The following RABGAP1L variants were observed in gnomAD, a reference collection of about 807,000 sequenced individuals.
RABGAP1L encodes the protein RAB GTPase activating protein 1 like, also known as rab GTPase-activating protein 1-like.
Under a neutral mutation model 137.7 loss-of-function variants are expected in RABGAP1L, and 63 were observed. The ratio of observed to expected loss-of-function variants is 0.46; its 90% confidence interval spans 0.37 to 0.56. The LOEUF is 0.56. RABGAP1L is among the 20% of genes least tolerant of loss of function. RABGAP1L has a pLI of 0.00. For missense variants in RABGAP1L, 1,095 were observed against 1,244.0 expected (o/e 0.88, Z 1.80); for synonymous variants, 431 against 433.7 (o/e 0.99, Z 0.08).
chr1:174,752,250 G>A, intron 17 of RABGAP1L, 63 bp from the exon 18 acceptor site: 2 of 1,169,568 alleles, frequency 1.7e-6, no homozygotes, highest in South Asian at 1.4e-5. Flanking sequence ...GGAAGTCTTG[G>A]GGAAATAATA....
chr1:174,413,954 A>T (rs2179214), intron 13 of RABGAP1L, among the ~76,000 whole-genome samples: 86,993 of 151,644 alleles, frequency 0.57, 27,297 homozygotes, highest in African/African-American at 0.85. Flanking sequence ...GAAGGCAGGG[A>T]TAGACCAGCA....
chr1:174,477,813 G>A (rs79625634), intron 13 of RABGAP1L, among the ~76,000 whole-genome samples: 9,709 of 152,066 alleles, frequency 0.064, 432 homozygotes, highest in Non-Finnish European at 0.09. Context: ...TCTACATTAA[G>A]AAGATCTCCA....
intron 13 of RABGAP1L, among the ~76,000 whole-genome samples, chr1:174,487,138 A>AT (rs374850608): frequency 1.1e-3 from 162 of 152,152 alleles, no homozygotes; most frequent in African/African-American, 3.7e-3. Flanking sequence ...TAGTAGGTTC[A>AT]TTTGTTCTAT....
At chr1:174,784,108 C>G (rs1336324825) in intron 18 of RABGAP1L, among the ~76,000 whole-genome samples, 1 of 147,884 alleles carries the variant, frequency 6.8e-6, no homozygotes, top group African/African-American at 2.5e-5. Flanking sequence ...CAAGCTCCGC[C>G]TCCCGGGTTC....
intron 14 of RABGAP1L, among the ~76,000 whole-genome samples, chr1:174,650,475 T>G (rs564150841): frequency 3.1e-4 from 47 of 151,948 alleles, no homozygotes; most frequent in Non-Finnish European, 6.5e-4. Context: ...GGACTCTTTT[T>G]GATTGGTAAG....
At chr1:174,582,161 C>T (rs1274244529) in intron 13 of RABGAP1L, among the ~76,000 whole-genome samples, 1 of 151,918 alleles carries the variant, frequency 6.6e-6, no homozygotes, top group African/African-American at 2.4e-5. Context: ...TGTTTGAGCC[C>T]AGGAGTTTGA....
chr1:174,533,870 T>C (rs1269873570), intron 13 of RABGAP1L, among the ~76,000 whole-genome samples: 2 of 152,034 alleles, frequency 1.3e-5, no homozygotes, highest in Non-Finnish European at 2.9e-5. Context: ...TGAGGTTTCA[T>C]TATGGTGGCC....
At chr1:174,826,862 G>A (rs1416400008) in intron 19 of RABGAP1L, among the ~76,000 whole-genome samples, 24 of 152,142 alleles carry the variant, frequency 1.6e-4, no homozygotes, top group Admixed American at 4.6e-4. Flanking sequence ...GTATCTCATT[G>A]TGGTTTTGAT....
intron 13 of RABGAP1L, among the ~76,000 whole-genome samples, chr1:174,481,881 T>TAAAAAAAAAAAA (rs1166772879): frequency 1.7e-5 from 1 of 59,692 alleles, no homozygotes. Flanking sequence ...TAATAAAAAA[T>TAAAAAAAAAAAA]AAAAAAAAAA....
chr1:174,796,781 G>A (rs952704019), intron 18 of RABGAP1L, among the ~76,000 whole-genome samples: 1 of 152,116 alleles, frequency 6.6e-6, no homozygotes, highest in African/African-American at 2.4e-5. Context: ...GGCCGAGACG[G>A]GTAGATCATG....
chr1:174,768,567 C>T (rs961136874), intron 18 of RABGAP1L, among the ~76,000 whole-genome samples: 1 of 152,214 alleles, frequency 6.6e-6, no homozygotes, highest in Non-Finnish European at 1.5e-5. Flanking sequence ...TGCGGCCCCA[C>T]CCCAGGGCTA....
chr1:174,386,185 A>G (rs1272696355), intron 12 of RABGAP1L, among the ~76,000 whole-genome samples: 2 of 152,216 alleles, frequency 1.3e-5, no homozygotes, highest in South Asian at 2.1e-4. Context: ...CTGACAGTTC[A>G]GTGTACTTAC....
At chr1:174,352,135 A>G (rs1028442000) in intron 11 of RABGAP1L, among the ~76,000 whole-genome samples, 6 of 152,108 alleles carry the variant, frequency 3.9e-5, no homozygotes, top group African/African-American at 9.7e-5. Context: ...TATCCCTTTG[A>G]ATACACATTC....
intron 19 of RABGAP1L, among the ~76,000 whole-genome samples, chr1:174,876,666 C>T (rs969706056): frequency 2.6e-5 from 4 of 152,090 alleles, no homozygotes; most frequent in Admixed American, 2.0e-4. Flanking sequence ...AACCCCTAGC[C>T]TTAAAGATAA....
At chr1:174,962,194 A>AACCCCC (rs1669186512) in intron 20 of RABGAP1L, among the ~76,000 whole-genome samples, 4 of 40,450 alleles carry the variant, frequency 9.9e-5, no homozygotes, top group African/African-American at 6.8e-4. Context: ...AAATAAAAAT[A>AACCCCC]CACCCCCCCC....
intron 13 of RABGAP1L, among the ~76,000 whole-genome samples, chr1:174,611,374 G>C (rs939826523): frequency 3.5e-4 from 53 of 152,172 alleles, no homozygotes; most frequent in African/African-American, 1.2e-3. Flanking sequence ...GTAGATATGT[G>C]GTGTTACTTC....
intron 13 of RABGAP1L, among the ~76,000 whole-genome samples, chr1:174,578,767 T>A (rs1018554783): frequency 4.6e-5 from 7 of 152,120 alleles, no homozygotes; most frequent in African/African-American, 1.7e-4. Context: ...GAAATAAACA[T>A]TGTATTTTCT....
chr1:174,899,586 G>T (rs1271351551), intron 19 of RABGAP1L, among the ~76,000 whole-genome samples: 2 of 152,162 alleles, frequency 1.3e-5, no homozygotes, highest in East Asian at 3.9e-4. Context: ...TGCACCCTGA[G>T]AGGATCATGT....
intron 13 of RABGAP1L, among the ~76,000 whole-genome samples, chr1:174,508,058 G>A (rs1404550907): frequency 1.3e-5 from 2 of 152,054 alleles, no homozygotes; most frequent in African/African-American, 4.8e-5. Context: ...AATTATATGA[G>A]TATTATGAGT....
Sources: allele counts gnomAD v4.1 joint callset (sites outside exome capture counted in the v4.1 genomes callset), GRCh38; gene constraint gnomAD v4.1.1; transcripts MANE v1.5; gene names NCBI Gene and HGNC (gene_info 2026-07-23, HGNC 2026-07-21).